ARHGAP20: variants seen among roughly 807,000 people sequenced by gnomAD.
ARHGAP20 encodes Rho GTPase activating protein 20, also known as rho GTPase-activating protein 20.
Under a neutral mutation model 73.7 loss-of-function variants are expected in ARHGAP20, and 34 were observed. The observed-to-expected ratio is 0.46, with a 90% CI of 0.35 to 0.61. ARHGAP20 has a LOEUF of 0.61. Among genes scored for constraint, ARHGAP20 ranks in the 20% least tolerant of loss-of-function variants. The probability of loss-of-function intolerance (pLI) is 0.00; values close to 1 mark genes in which losing one functional copy is unlikely to be tolerated. For synonymous variants in ARHGAP20, 523 were observed against 518.2 expected (o/e 1.01, Z -0.13); for missense variants, 1,314 against 1,420.9 (o/e 0.92, Z 1.21).
rs1177574249 is a variant in ARHGAP20 at position 110,599,766 on chromosome 11, G to C, written c.964+6795C>G. ...TGTCCTGACAACCAGCTGCAGAGAG[G>C]ACTACCCACTACAGGGCCTCCTTTC... On this transcript the variant is annotated intron_variant, in intron 9 of 14. Coordinates refer to ENST00000683387, the MANE Select transcript of ARHGAP20 (RefSeq NM_001384657.1). Among the ~76,000 whole-genome samples the C allele has an allele frequency of 3.3e-5, 5 of 152,164 alleles. No homozygotes were observed. In the East Asian group the frequency reaches 9.6e-4, roughly 29 times the overall value.
chr11:110,630,489 A>G (rs371449983), intron 3 of ARHGAP20, 139 bp downstream of exon 3: 7 of 873,086 alleles, frequency 8.0e-6, no homozygotes, highest in African/African-American at 3.4e-5. Context: ...TTTTGCAATG[A>G]AGGGCATAAA....
intron 1 of ARHGAP20, among the ~76,000 whole-genome samples, chr11:110,699,658 TG>T (rs1283739555): frequency 6.6e-6 from 1 of 152,062 alleles, no homozygotes; most frequent in African/African-American, 2.4e-5. Flanking sequence ...AATGCTCATT[TG>T]TCTTTTCTAT....
In ARHGAP20 at chr11:110,684,685, A is replaced by C. The variant is rs191953037; in HGVS notation, c.188+5862T>G. Reference sequence around the variant, plus strand: ...CAACCTAAGTGTCTATCAACAGTGGATTAGATAAAGAAAATGTGCTACATA... The same window carrying C: ...CAACCTAAGTGTCTATCAACAGTGGCTTAGATAAAGAAAATGTGCTACATA... On this transcript the variant is annotated intron_variant, in intron 2 of 14. Transcript: ENST00000683387. 1.9e-3 allele frequency among the ~76,000 whole-genome samples: 288 copies of C among 152,282 alleles called. 1 individual carries two copies. Among genetic ancestry groups the C allele is most frequent in the Admixed American group, 3.2e-3 (49 of 15,282 alleles).
At position 110,625,795 on chromosome 11, in the gene ARHGAP20, AGGAAAACATG is replaced by A. The variant is rs1431429534; in HGVS notation, c.354-1494_354-1485del. On this transcript the variant is annotated intron_variant, in intron 3 of 14. Coordinates refer to ENST00000683387, the MANE Select transcript of ARHGAP20 (RefSeq NM_001384657.1). ...ACAGAGAAGGATAAAGAGAATGCTC[AGGAAAACATG>A]GGTACTTCTTGGCATTCAGACCCAT... Among the ~76,000 whole-genome samples, 4 of 152,228 alleles carry A rather than the reference AGGAAAACATG, an allele frequency of 2.6e-5. No individual in the cohort carries two copies. In the South Asian group the frequency reaches 6.2e-4, roughly 24 times the overall value.
In ARHGAP20 at chr11:110,630,564, A is replaced by G. The variant is rs564543648; in HGVS notation, c.353+64T>C. On this transcript the variant is annotated intron_variant, in intron 3 of 14. Coordinates refer to ENST00000683387, the MANE Select transcript of ARHGAP20 (RefSeq NM_001384657.1). ...TTCTTACAGTAAGCATTGAGTAGAA[A>G]GGGTATCTTTGTTAGTAAAAGTGCA... 36 of 1,478,354 alleles carry G rather than the reference A, an allele frequency of 2.4e-5. No individual in the cohort carries two copies. The South Asian group carries it at 4.4e-4, about 18-fold the overall frequency. 91.6% of individuals were successfully genotyped at this position (1,478,354 alleles called of 1,614,324 possible).
rs1212808290 is a variant in ARHGAP20, at chr11:110,579,286, T to G, written c.*84A>C. On this transcript the variant is annotated 3_prime_UTR_variant, in exon 15 of 15. Transcript: ENST00000683387. The stretch of plus-strand genomic sequence containing the variant: ...ATCCTTATGCTACCTCTCCCAGGTA[T>G]CTTATACAAAGGGGTCATAATAATT... 6.8e-7 allele frequency: 1 copy of G among 1,472,946 alleles called. No individual in the cohort carries two copies. Among genetic ancestry groups the G allele is most frequent in the Non-Finnish European group, 9.0e-7 (1 of 1,111,624 alleles). 91.2% of individuals were successfully genotyped at this position (1,472,946 alleles called of 1,614,324 possible). A position where few individuals can be genotyped will look rare whatever the true frequency, so the allele number is the denominator to read the frequency against.
At chr11:110,676,543 G>A (rs1244639825) in intron 2 of ARHGAP20, among the ~76,000 whole-genome samples, 1 of 152,128 alleles carries the variant, frequency 6.6e-6, no homozygotes, top group Non-Finnish European at 1.5e-5. Flanking sequence ...CCACCCCCAT[G>A]ATTAAATTAC....
intron 2 of ARHGAP20, among the ~76,000 whole-genome samples, chr11:110,653,764 C>A (rs567470613): frequency 6.6e-6 from 1 of 152,184 alleles, no homozygotes; most frequent in Non-Finnish European, 1.5e-5. Flanking sequence ...TATAAAGATA[C>A]ATGCACACAT....
intron 9 of ARHGAP20, among the ~76,000 whole-genome samples, chr11:110,600,438 C>T (rs559426883): frequency 2.0e-5 from 3 of 152,358 alleles, no homozygotes; most frequent in East Asian, 1.9e-4. Flanking sequence ...TGCAGCTGTC[C>T]GCTACGCTGC....
chr11:110,678,150 A>G (rs1293321508), intron 2 of ARHGAP20, among the ~76,000 whole-genome samples: 1 of 152,196 alleles, frequency 6.6e-6, no homozygotes, highest in Non-Finnish European at 1.5e-5. Context: ...TGAAATGTCC[A>G]GAAGAGTCAA....
intron 2 of ARHGAP20, among the ~76,000 whole-genome samples, chr11:110,682,360 C>A (rs1950053498): frequency 6.6e-6 from 1 of 152,088 alleles, no homozygotes; most frequent in South Asian, 2.1e-4. Context: ...TCCTTAAAAT[C>A]CTATGAGGTA....
rs1400058671 is a variant in ARHGAP20, at chr11:110,579,841, G to A, written c.3105C>T (p.Ser1035=). Residue 1035 remains serine, a synonymous_variant, in exon 15 of 15, where the codon AGC becomes AGT. Transcript: ENST00000683387. The part of the protein sequence containing the change: ...SQMHSVTLHP[S]TWLRNGVASL... ...TGGCCACACCATTTCTCAACCATGT[G>A]CTGGGATGAAGAGTTACAGAATGCA... 5.0e-6 allele frequency: 8 copies of A among 1,614,064 alleles called. No homozygotes were observed. The East Asian group carries it at 1.8e-4, about 36-fold the overall frequency.
chr11:110,626,088 T>TTTCCACCC (rs1948738329), intron 3 of ARHGAP20, among the ~76,000 whole-genome samples: 1 of 152,214 alleles, frequency 6.6e-6, no homozygotes, highest in African/African-American at 2.4e-5. Flanking sequence ...CACCCTATTG[T>TTTCCACCC]TATGAATCTT....
At chr11:110,646,098 C>T (rs1238732705) in intron 2 of ARHGAP20, among the ~76,000 whole-genome samples, 1 of 152,146 alleles carries the variant, frequency 6.6e-6, no homozygotes, top group Non-Finnish European at 1.5e-5. Context: ...CAAATCTGCA[C>T]ATGTACCTCC....
intron 11 of ARHGAP20, 144 bp downstream of exon 11, chr11:110,590,504 A>G (rs1158339975): frequency 7.1e-6 from 6 of 841,796 alleles, no homozygotes; most frequent in East Asian, 3.0e-5. Flanking sequence ...AAATGTTTTT[A>G]TAACACTTTT....
intron 2 of ARHGAP20, among the ~76,000 whole-genome samples, chr11:110,676,770 GTATTC>G (rs1264627245): frequency 4.6e-5 from 7 of 151,412 alleles, no homozygotes; most frequent in Non-Finnish European, 8.8e-5. Context: ...TGAAAAGTAG[GTATTC>G]TATAAAACCA....
intron 4 of ARHGAP20, among the ~76,000 whole-genome samples, chr11:110,621,016 G>C (rs1591321518): frequency 7.2e-6 from 1 of 139,202 alleles, no homozygotes; most frequent in South Asian, 2.5e-4. Context: ...AGAGGTTGCA[G>C]TGAGCCGAGA....
chr11:110,683,969 G>T (rs954984161), intron 2 of ARHGAP20, among the ~76,000 whole-genome samples: 1 of 152,292 alleles, frequency 6.6e-6, no homozygotes, highest in Non-Finnish European at 1.5e-5. Flanking sequence ...GGAGCTGTTT[G>T]CCCCTTCCGT....
At chr11:110,664,275 A>G (rs142983906) in intron 2 of ARHGAP20, among the ~76,000 whole-genome samples, 5 of 152,346 alleles carry the variant, frequency 3.3e-5, no homozygotes, top group Non-Finnish European at 7.4e-5. Flanking sequence ...GTCTATGTGG[A>G]AAGTTCAATG....
Sources: allele counts gnomAD v4.1 joint callset (sites outside exome capture counted in the v4.1 genomes callset), GRCh38; gene constraint gnomAD v4.1.1; transcripts MANE v1.5; gene names NCBI Gene and HGNC (gene_info 2026-07-23, HGNC 2026-07-21).